RNF169: variants seen among roughly 807,000 people sequenced by gnomAD.
The protein encoded by RNF169 is ring finger protein 169.
A neutral mutation model predicts 53.9 loss-of-function variants in RNF169; 24 were observed. The ratio of observed to expected loss-of-function variants is 0.45; its 90% CI spans 0.32 to 0.63. The LOEUF is 0.63. Among genes scored for constraint, RNF169 ranks in the 20% least tolerant of loss-of-function variants. RNF169 has a pLI of 0.04. For missense variants in RNF169, 883 were observed against 906.2 expected, an observed-to-expected ratio of 0.97 and a Z score of 0.33; for synonymous variants, 396 against 363.5, an observed-to-expected ratio of 1.09 and a Z score of -1.02.
chr11:74,791,166 G>T (rs1178173042), intron 2 of RNF169, among the ~76,000 whole-genome samples: 1 of 152,162 alleles, frequency 6.6e-6, no homozygotes, highest in Non-Finnish European at 1.5e-5. Flanking sequence ...GCTGAGAGGA[G>T]ATCCACAGTG....
At chr11:74,811,622 C>T (rs2035877526) in intron 3 of RNF169, among the ~76,000 whole-genome samples, 1 of 152,120 alleles carries the variant, frequency 6.6e-6, no homozygotes, top group African/African-American at 2.4e-5. Flanking sequence ...CTGAGTGCCA[C>T]ATACATGTGC....
intron 1 of RNF169, among the ~76,000 whole-genome samples, chr11:74,765,814 A>C (rs551013917): frequency 1.6e-3 from 236 of 148,854 alleles, no homozygotes; most frequent in South Asian, 4.8e-3. Context: ...CTCAAAAAAA[A>C]AAAAACAAAA....
In RNF169 at chr11:74,836,568, C is replaced by T. The variant is rs2036260431; in HGVS notation, c.1965C>T (p.Val655=). ...TGGGTCTGGCCCCAACAGACCCAGT[C>T]CTGCGAGAGATGGAGCAGAAGCTTC... is the stretch of plus-strand genomic sequence containing the variant. The part of the protein sequence containing the change: ...GEVGLAPTDP[V]LREMEQKLQQ... Residue 655 remains valine (V), a synonymous_variant, in exon 6 of 6, where the codon GTC becomes GTT. Coordinates refer to ENST00000299563, the MANE Select transcript of RNF169 (RefSeq NM_001098638.2). 1 of 1,613,964 alleles carries T rather than the reference C, an allele frequency of 6.2e-7. No homozygotes were observed. The highest frequency in any genetic ancestry group is 1.7e-5 in the Admixed American group (1 of 60,006).
chr11:74,822,540 T>A (rs541446580), intron 4 of RNF169, among the ~76,000 whole-genome samples: 1 of 152,338 alleles, frequency 6.6e-6, no homozygotes, highest in East Asian at 1.9e-4. Flanking sequence ...TTTGAGTCTG[T>A]TCTATGGCAG....
rs1012628123 is a variant in RNF169, at chr11:74,803,923, C to T, written c.577-6261C>T. ...CTTGCATGAAGAGAATTTAAGAATA[C>T]AGTGAGAGAATGAAATTGGACCCAT... On this transcript the variant is annotated intron_variant, in intron 2 of 5. Transcript: ENST00000299563. Among the ~76,000 whole-genome samples the T allele has an allele frequency of 7.9e-5, 12 of 152,298 alleles. No individual in the cohort carries two copies. The South Asian group carries it at 1.0e-3, about 13-fold the overall frequency.
intron 1 of RNF169, among the ~76,000 whole-genome samples, chr11:74,768,291 A>C (rs1224486508): frequency 6.6e-6 from 1 of 152,186 alleles, no homozygotes; most frequent in East Asian, 1.9e-4. Flanking sequence ...AAAAAAATAG[A>C]TCTTTAGCAC....
intron 1 of RNF169, among the ~76,000 whole-genome samples, chr11:74,762,589 G>T (rs540403538): frequency 6.6e-6 from 1 of 152,172 alleles, no homozygotes; most frequent in Admixed American, 6.5e-5. Flanking sequence ...CGTCGCTCAC[G>T]CTGGGAGCTG....
intron 1 of RNF169, among the ~76,000 whole-genome samples, chr11:74,776,561 A>G (rs1160211587): frequency 1.3e-5 from 2 of 151,796 alleles, no homozygotes; most frequent in African/African-American, 4.8e-5. Flanking sequence ...ACACTGAGAC[A>G]CATACCTAGA....
chr11:74,812,300 GTTTA>G (rs895521974), intron 3 of RNF169, among the ~76,000 whole-genome samples: 10 of 150,612 alleles, frequency 6.6e-5, no homozygotes, highest in Non-Finnish European at 1.0e-4. Context: ...TTTTTTGTTT[GTTTA>G]TTTATTTAGA....
chr11:74,785,351 A>G (rs910577253), intron 1 of RNF169, among the ~76,000 whole-genome samples: 1 of 147,732 alleles, frequency 6.8e-6, no homozygotes, highest in African/African-American at 2.5e-5. Context: ...CCAAGGCTCC[A>G]TCATTCAAGT....
chr11:74,760,590 G>A (rs1244564911), intron 1 of RNF169, among the ~76,000 whole-genome samples: 1 of 151,516 alleles, frequency 6.6e-6, no homozygotes, highest in Admixed American at 6.6e-5. Flanking sequence ...TTCAGGAGCA[G>A]GTTGTTCAGT....
At chr11:74,802,617 T>C (rs2035748636) in intron 2 of RNF169, among the ~76,000 whole-genome samples, 1 of 152,184 alleles carries the variant, frequency 6.6e-6, no homozygotes, top group Non-Finnish European at 1.5e-5. Context: ...TGCTCCAGCC[T>C]GGGCAACAGA....
intron 1 of RNF169, among the ~76,000 whole-genome samples, chr11:74,787,032 T>C (rs2035513370): frequency 6.6e-6 from 1 of 152,204 alleles, no homozygotes; most frequent in South Asian, 2.1e-4. Flanking sequence ...TTATGCTCCT[T>C]ATGTTGCTTC....
chr11:74,812,823 C>A (rs886820997), intron 3 of RNF169, among the ~76,000 whole-genome samples: 2 of 152,122 alleles, frequency 1.3e-5, no homozygotes, highest in South Asian at 4.1e-4. Flanking sequence ...TTTAATGACT[C>A]CTCTTTTCTT....
intron 2 of RNF169, among the ~76,000 whole-genome samples, chr11:74,806,462 A>G (rs1263134300): frequency 1.3e-5 from 2 of 152,130 alleles, no homozygotes; most frequent in Non-Finnish European, 2.9e-5. Context: ...TCTAAGATAC[A>G]CTCCAGAGAA....
In RNF169 at chr11:74,749,343, A is replaced by G; in HGVS notation, c.463A>G (p.Arg155Gly). ...RDGGAAAAGP[R>G]PEQEPRAAPA... is the part of the protein sequence containing the mutation. ...CGGGGGCGCGGCTGCCGCGGGGCCC[A>G]GGCCAGAGCAGGAGCCGCGTGCCGC... The change falls in exon 1 of 6, where the codon AGG becomes GGG. Residue 155 changes from arginine (R) to glycine (G), a missense_variant. Physicochemically the swap from Arg to Gly is moderately radical, Grantham distance 125. Coordinates refer to ENST00000299563, the MANE Select transcript of RNF169 (RefSeq NM_001098638.2). 2 of 1,218,322 alleles carry G rather than the reference A, an allele frequency of 1.6e-6. No individual in the cohort carries two copies. Among genetic ancestry groups the G allele is most frequent in the African/African-American group, 1.6e-5 (1 of 64,168 alleles). The allele number at this position is 1,218,322 out of a possible 1,614,324, so 75.5% of individuals were successfully genotyped here. A position where few individuals can be genotyped will look rare whatever the true frequency, so the allele number is the denominator to read the frequency against.
chr11:74,835,045 C>T (rs1433427367), intron 5 of RNF169, among the ~76,000 whole-genome samples: 2 of 152,092 alleles, frequency 1.3e-5, no homozygotes, highest in African/African-American at 2.4e-5. Flanking sequence ...TGCAGTGGTG[C>T]AACCATAGCT....
chr11:74,762,634 A>G (rs117039198), intron 1 of RNF169, among the ~76,000 whole-genome samples: 1,789 of 151,026 alleles, frequency 0.012, 17 homozygotes, highest in Middle Eastern at 0.021. Flanking sequence ...CCATCCGACA[A>G]TTCTTTTAAA....
rs983600318 is a variant in RNF169, at chr11:74,785,315, G to A, written c.503-4311G>A. Among the ~76,000 whole-genome samples, 21 of 143,202 alleles carry A rather than the reference G, an allele frequency of 1.5e-4. No homozygotes were observed. The South Asian group carries it at 4.1e-3, about 28-fold the overall frequency. The allele number at this position is 143,202 out of a possible 152,430, so 93.9% of individuals were successfully genotyped here. ...ATATATATTAGAGATATATATATATGTTATATATATTATATATAAAATTTC... is the reference window on the plus strand; with the variant it reads ...ATATATATTAGAGATATATATATATATTATATATATTATATATAAAATTTC... On this transcript the variant is annotated intron_variant, in intron 1 of 5. Coordinates refer to ENST00000299563, the MANE Select transcript of RNF169 (RefSeq NM_001098638.2).
Sources: allele counts gnomAD v4.1 joint callset (sites outside exome capture counted in the v4.1 genomes callset), GRCh38; gene constraint gnomAD v4.1.1; transcripts MANE v1.5; gene names NCBI Gene and HGNC (gene_info 2026-07-23, HGNC 2026-07-21).